Variants in SDCCAG8 observed in about 807,000 individuals in gnomAD.
SDCCAG8 encodes SHH signaling and ciliogenesis regulator SDCCAG8, also known as serologically defined colon cancer antigen 8.
SDCCAG8 carries 74 observed loss-of-function variants against 101.8 expected under a neutral mutation model. The observed-to-expected ratio is 0.73, with a 90% CI of 0.60 to 0.88. The LOEUF (loss-of-function observed/expected upper bound fraction) is 0.88, where lower values mean the gene tolerates loss of function less well. Among genes scored for constraint, SDCCAG8 ranks in the 40% least tolerant of loss-of-function variants. The probability of loss-of-function intolerance (pLI) is 0.00; values close to 1 mark genes in which losing one functional copy is unlikely to be tolerated. For missense variants in SDCCAG8, 787 were observed against 822.6 expected, an observed-to-expected ratio of 0.96 and a Z score of 0.53; for synonymous variants, 281 against 292.9, an observed-to-expected ratio of 0.96 and a Z score of 0.41.
chr1:243,340,519 C>T (rs546677476), intron 10 of SDCCAG8, among the ~76,000 whole-genome samples: 9 of 152,020 alleles, frequency 5.9e-5, no homozygotes, highest in South Asian at 2.1e-4. Context: ...AATAGGGGGG[C>T]GGTTGGGGTT....
chr1:243,464,637 C>T (rs1370243399), intron 16 of SDCCAG8, among the ~76,000 whole-genome samples: 1 of 152,208 alleles, frequency 6.6e-6, no homozygotes, highest in Non-Finnish European at 1.5e-5. Flanking sequence ...CACCATAACA[C>T]CTTTCATCAG....
intron 8 of SDCCAG8, among the ~76,000 whole-genome samples, 171 bp from the exon 9 acceptor site, chr1:243,316,584 G>A (rs1211082646): frequency 2.6e-5 from 4 of 152,182 alleles, no homozygotes; most frequent in Admixed American, 6.5e-5. Flanking sequence ...TCCGCCCGCC[G>A]CTCGCCAAGT....
In SDCCAG8 at chr1:243,474,057, G is replaced by C. The variant is rs924967491; in HGVS notation, c.1986-14957G>C. Among the ~76,000 whole-genome samples, 1 of 151,714 alleles carries C rather than the reference G, an allele frequency of 6.6e-6. No homozygotes were observed. The highest frequency in any genetic ancestry group is 2.4e-5 in the African/African-American group (1 of 41,264). On this transcript the variant is annotated intron_variant, in intron 16 of 17. Transcript: ENST00000366541. This position sits in a 1 kb window ranked among gnomAD's most constrained non-coding sequence, Gnocchi z 4.7. ...GTTGCAGTATTTCTTTGGCCTATTA[G>C]CCAAGATTTTTTTTTTCCTGTTTAT...
Position 243,256,260 on chromosome 1 carries a change from T to C in SDCCAG8, c.67+20T>C, listed in dbSNP as rs562137055. ...TCCGGGGTGAGTTGCTCCAAACCTC[T>C]GTCCCTAGCCCCGAGGTGCCCAGGG... On this transcript the variant is annotated intron_variant, in intron 1 of 17. Coordinates refer to ENST00000366541, the MANE Select transcript of SDCCAG8 (RefSeq NM_006642.5). The C allele has an allele frequency of 3.7e-5, 59 of 1,610,728 alleles. No homozygotes were observed. The East Asian group carries it at 1.2e-3, about 34-fold the overall frequency.
At chr1:243,337,351 A>G (rs977388882) in intron 10 of SDCCAG8, among the ~76,000 whole-genome samples, 4 of 152,144 alleles carry the variant, frequency 2.6e-5, no homozygotes, top group African/African-American at 9.7e-5. Flanking sequence ...TCTCTATTCG[A>G]TACAATACAT....
At chr1:243,434,974 C>T (rs2082039832) in intron 16 of SDCCAG8, among the ~76,000 whole-genome samples, 1 of 152,214 alleles carries the variant, frequency 6.6e-6, no homozygotes, top group Non-Finnish European at 1.5e-5. Flanking sequence ...AATGATGTTA[C>T]ACTTTTGCCT....
At chr1:243,440,182 C>T (rs997997153) in intron 16 of SDCCAG8, among the ~76,000 whole-genome samples, 3 of 152,098 alleles carry the variant, frequency 2.0e-5, no homozygotes, top group African/African-American at 7.2e-5. Flanking sequence ...GGTCCCACCT[C>T]ATAGGGTTAT....
At chr1:243,292,259 G>T (rs1164112739) in intron 5 of SDCCAG8, among the ~76,000 whole-genome samples, 12 of 152,164 alleles carry the variant, frequency 7.9e-5, no homozygotes, top group Non-Finnish European at 1.8e-4. Flanking sequence ...CCCTTGAGGT[G>T]GGGGAGTGGG....
Position 243,301,777 on chromosome 1 carries a change from A to G in SDCCAG8, c.676-2936A>G, listed in dbSNP as rs564120126. 2.0e-5 allele frequency among the ~76,000 whole-genome samples: 3 copies of G among 152,332 alleles called. No individual in the cohort carries two copies. The East Asian group carries it at 5.8e-4, about 29-fold the overall frequency. ...ATTTGAGGAAAAAAAAAGTCATTTT[A>G]TGACAACTTAAAACAAAAGGAAAGT... is the stretch of plus-strand genomic sequence containing the variant. On this transcript the variant is annotated intron_variant, in intron 6 of 17. Transcript: ENST00000366541.
intron 16 of SDCCAG8, among the ~76,000 whole-genome samples, chr1:243,473,975 GC>G (rs1473348680): frequency 7.4e-6 from 1 of 135,840 alleles, no homozygotes. Context: ...CAAGATCCTT[GC>G]CAGTTTCAAT....
At chr1:243,475,269 G>C (rs1170030216) in intron 16 of SDCCAG8, among the ~76,000 whole-genome samples, 5 of 152,212 alleles carry the variant, frequency 3.3e-5, no homozygotes, top group Non-Finnish European at 7.3e-5. Context: ...ATACTGTCTG[G>C]ATGGTTTAGC....
Position 243,499,997 on chromosome 1 carries a change from A to C in SDCCAG8, c.*212A>C. Reference sequence around the variant, plus strand: ...TCTAGCTGAGCAGAGCTCCTGGTGTATGTTTTCAGAAATGGCTTGAAGTTA... The same window carrying C: ...TCTAGCTGAGCAGAGCTCCTGGTGTCTGTTTTCAGAAATGGCTTGAAGTTA... On this transcript the variant is annotated 3_prime_UTR_variant, in exon 18 of 18. Transcript: ENST00000366541. 1 of 598,076 alleles carries C rather than the reference A, an allele frequency of 1.7e-6. No individual in the cohort carries two copies. Among genetic ancestry groups the C allele is most frequent in the Non-Finnish European group, 3.0e-6 (1 of 334,724 alleles). 37.0% of individuals were successfully genotyped at this position (598,076 alleles called of 1,614,324 possible).
At chr1:243,492,468 A>AT in intron 17 of SDCCAG8, among the ~76,000 whole-genome samples, 1 of 149,686 alleles carries the variant, frequency 6.7e-6, no homozygotes, top group East Asian at 2.0e-4. Flanking sequence ...CACCTAGCTA[A>AT]TTTTTTTGTA....
intron 17 of SDCCAG8, 62 bp downstream of exon 17, chr1:243,489,202 T>C: frequency 1.3e-6 from 2 of 1,589,086 alleles, no homozygotes; most frequent in Non-Finnish European, 1.7e-6. Flanking sequence ...GTGGATCTTT[T>C]ATGCACCTCA....
chr1:243,312,137 T>C (rs985079844), intron 8 of SDCCAG8, among the ~76,000 whole-genome samples: 1 of 152,222 alleles, frequency 6.6e-6, no homozygotes, highest in African/African-American at 2.4e-5. Context: ...ACTTAACTAA[T>C]GCAGAGTGCT....
chr1:243,326,318 A>G lies in SDCCAG8; in HGVS notation c.1069-4222A>G, dbSNP rs139312942. 7.9e-5 allele frequency among the ~76,000 whole-genome samples: 12 copies of G among 152,350 alleles called. No individual in the cohort carries two copies. The East Asian group carries it at 2.3e-3, about 29-fold the overall frequency. On this transcript the variant is annotated intron_variant, in intron 9 of 17. Coordinates refer to ENST00000366541, the MANE Select transcript of SDCCAG8 (RefSeq NM_006642.5). ...TTAGTTTTTAAAACAGCAGCCTGGT[A>G]GGTTGAACAAATATTTACAAAGACT... is the stretch of plus-strand genomic sequence containing the variant.
In SDCCAG8 at chr1:243,477,054, G is replaced by A. The variant is rs527590881; in HGVS notation, c.1986-11960G>A. 1.7e-3 allele frequency among the ~76,000 whole-genome samples: 255 copies of A among 151,940 alleles called. 1 individual carries two copies. Among genetic ancestry groups the A allele is most frequent in the African/African-American group, 5.9e-3 (245 of 41,356 alleles). On this transcript the variant is annotated intron_variant, in intron 16 of 17. Coordinates refer to ENST00000366541, the MANE Select transcript of SDCCAG8 (RefSeq NM_006642.5). Reference sequence around the variant, plus strand: ...CACACAGAGAGAAAGGCAGGAGAGCGTAATCAATCAGATGGGGCAAAATTA... The same window carrying A: ...CACACAGAGAGAAAGGCAGGAGAGCATAATCAATCAGATGGGGCAAAATTA...
intron 13 of SDCCAG8, among the ~76,000 whole-genome samples, chr1:243,382,110 G>A (rs1573697670): frequency 6.6e-6 from 1 of 152,212 alleles, no homozygotes; most frequent in South Asian, 2.1e-4. Context: ...CAGATTAGGT[G>A]TTTGGTAGGA....
chr1:243,335,106 A>G (rs1028320751), intron 10 of SDCCAG8, among the ~76,000 whole-genome samples: 2 of 152,206 alleles, frequency 1.3e-5, no homozygotes, highest in Admixed American at 6.5e-5. Context: ...GGAATGAATT[A>G]CAAGGAAAAG....
Sources: gnomAD v4.1 joint callset for allele counts (sites outside exome capture counted in the v4.1 genomes callset) on GRCh38, gnomAD v4.1.1 for gene constraint, Gnocchi (gnomAD v3.1) non-coding constraint, MANE v1.5 for transcripts, NCBI Gene and HGNC (gene_info 2026-07-23, HGNC 2026-07-21) for gene names.